MCPH1: variants seen among roughly 807,000 people sequenced by gnomAD.
MCPH1 encodes the protein microcephalin.
A neutral mutation model predicts 84.5 loss-of-function variants in MCPH1; 104 were observed. The observed-to-expected ratio is 1.23, with a 90% CI of 1.05 to 1.45. The LOEUF (loss-of-function observed/expected upper bound fraction) is 1.45. MCPH1 is among the 40% of genes most tolerant of loss of function. MCPH1 has a pLI of 0.00. For synonymous variants in MCPH1, 514 were observed against 366.8 expected, an observed-to-expected ratio of 1.40 and a Z score of -4.58; for missense variants, 1,498 against 1,005.7, an observed-to-expected ratio of 1.49 and a Z score of -6.62.
At chr8:6,488,705 A>G (rs140544851) in intron 11 of MCPH1, among the ~76,000 whole-genome samples, 2 of 152,208 alleles carry the variant, frequency 1.3e-5, no homozygotes, top group Non-Finnish European at 2.9e-5. Context: ...GGGCCCCAGT[A>G]TGGCTGTGTA....
In MCPH1 at chr8:6,436,119, T is replaced by C. The variant is rs748013870; in HGVS notation, c.393T>C (p.Phe131=). Residue 131 remains phenylalanine, a synonymous_variant, in exon 5 of 14, where the codon TTT becomes TTC. Transcript: ENST00000344683. ...ATGATAAGAGATTTCAGAAGAAATT[T>C]GAGAAAATGGCTAAAGAGCTACAAA... is the stretch of plus-strand genomic sequence containing the variant. ...PENDKRFQKK[F]EKMAKELQRQ... is the part of the protein sequence containing the mutation. The C allele has an allele frequency of 3.7e-6, 6 of 1,613,762 alleles. No homozygotes were observed. Among genetic ancestry groups the C allele is most frequent in the Non-Finnish European group, 5.1e-6 (6 of 1,179,836 alleles).
chr8:6,531,640 C>G (rs575242275), intron 12 of MCPH1, among the ~76,000 whole-genome samples: 6 of 152,268 alleles, frequency 3.9e-5, no homozygotes, highest in Admixed American at 2.6e-4. Context: ...ATCACTAGCT[C>G]ATAGAATCTC....
chr8:6,435,232 T>C (rs2166011), intron 4 of MCPH1, among the ~76,000 whole-genome samples: 147,856 of 152,206 alleles, frequency 0.97, 71,952 homozygotes, highest in East Asian at 1. Flanking sequence ...ATTACTGTGT[T>C]GTGGTCTTGC....
At chr8:6,568,246 G>C (rs753435583) in intron 12 of MCPH1, among the ~76,000 whole-genome samples, 1 of 117,294 alleles carries the variant, frequency 8.5e-6, no homozygotes, top group Non-Finnish European at 1.7e-5. Context: ...TGGACCCATC[G>C]CTAGCTGAAT....
chr8:6,445,241 C>G lies in MCPH1; in HGVS notation c.1519C>G (p.Leu507Val). 6.2e-7 allele frequency: 1 copy of G among 1,614,220 alleles called. No individual in the cohort carries two copies. Among genetic ancestry groups the G allele is most frequent in the Non-Finnish European group, 8.5e-7 (1 of 1,180,044 alleles). The stretch of plus-strand genomic sequence containing the variant: ...CGTGACTTCTGCCCCTGAAGAAGCC[C>G]TAAGGTGTTGTAGACAGGCTGGGAA... ...SCVTSAPEEA[L>V]RCCRQAGKED... The change falls in exon 8 of 14, where the codon CTA becomes GTA. Residue 507 changes from leucine to valine, a missense_variant. By Grantham distance (32) the Leu-to-Val change is conservative. Transcript: ENST00000344683.
intron 12 of MCPH1, among the ~76,000 whole-genome samples, chr8:6,525,557 G>T (rs1348424177): frequency 6.6e-6 from 1 of 152,160 alleles, no homozygotes; most frequent in Non-Finnish European, 1.5e-5. Flanking sequence ...GAAAGCAATT[G>T]CACTTTTGGG....
chr8:6,619,197 T>C (rs1299714203), intron 12 of MCPH1: 2 of 152,088 alleles, frequency 1.3e-5, no homozygotes, highest in African/African-American at 4.8e-5. Context: ...AGAAGAAGTC[T>C]TTGTTCTGCC....
intron 12 of MCPH1, among the ~76,000 whole-genome samples, chr8:6,538,867 C>G (rs1157075765): frequency 1.3e-5 from 2 of 152,196 alleles, no homozygotes; most frequent in African/African-American, 2.4e-5. Context: ...AGTTTGAAAA[C>G]TTGAGTGTAA....
chr8:6,538,105 C>T lies in MCPH1; in HGVS notation c.2214+38176C>T, dbSNP rs540283515. 2.9e-4 allele frequency among the ~76,000 whole-genome samples: 44 copies of T among 152,224 alleles called. 1 individual carries two copies. Among genetic ancestry groups the T allele is most frequent in the African/African-American group, 1.1e-3 (44 of 41,550 alleles). On this transcript the variant is annotated intron_variant, in intron 12 of 13. Coordinates refer to ENST00000344683, the MANE Select transcript of MCPH1 (RefSeq NM_024596.5). ...TGCAACCATCTCTCACACACACATA[C>T]ACGTTTTTCTATCCCAATGATCCAT...
In MCPH1 at chr8:6,613,185, G is replaced by A. The variant is rs533667511; in HGVS notation, c.2215-8269G>A. Among the ~76,000 whole-genome samples the A allele has an allele frequency of 6.6e-5, 10 of 152,318 alleles. No homozygotes were observed. The South Asian group carries it at 1.4e-3, about 22-fold the overall frequency. On this transcript the variant is annotated intron_variant, in intron 12 of 13. Coordinates refer to ENST00000344683, the MANE Select transcript of MCPH1 (RefSeq NM_024596.5). ...CATCTCTGTTACTCCACTGTCCTCA[G>A]TGGGGAGCCACGGCTGAGCGTGAGA...
At chr8:6,433,932 A>G (rs971192794) in intron 4 of MCPH1, among the ~76,000 whole-genome samples, 6 of 151,880 alleles carry the variant, frequency 4.0e-5, no homozygotes, top group Middle Eastern at 3.4e-3. Context: ...TGCCAATCGT[A>G]TTTCTATTTC....
chr8:6,486,321 G>C (rs148568957), intron 11 of MCPH1, among the ~76,000 whole-genome samples: 1 of 149,046 alleles, frequency 6.7e-6, no homozygotes, highest in East Asian at 2.0e-4. Context: ...TCGCTCTCTC[G>C]TCCTCCTCCT....
rs938992817 is a variant in MCPH1 at position 6,645,980 on chromosome 8, T to A, written c.*2931T>A. 4 of 152,208 alleles carry A rather than the reference T, an allele frequency of 2.6e-5. No individual in the cohort carries two copies. The highest frequency in any genetic ancestry group is 9.7e-5 in the African/African-American group (4 of 41,446). The allele number at this position is 152,208 out of a possible 1,614,324, so 9.4% of individuals were successfully genotyped here. A position where few individuals can be genotyped will look rare whatever the true frequency, so the allele number is the denominator to read the frequency against. ...ATAGATTCAATGCAATCCATTAAAA[T>A]CTCAGATGGCTTTTTATAGAATTTG... On this transcript the variant is annotated 3_prime_UTR_variant, in exon 14 of 14. Transcript: ENST00000344683.
intron 12 of MCPH1, among the ~76,000 whole-genome samples, chr8:6,549,731 A>G (rs555532722): frequency 6.6e-6 from 1 of 152,060 alleles, no homozygotes; most frequent in East Asian, 1.9e-4. Context: ...GATATGGATG[A>G]GGAGGGGCGT....
At position 6,477,588 on chromosome 8, in the gene MCPH1, C is replaced by G. The variant is rs779947393; in HGVS notation, c.1936-6C>G. ...TTTTTTGTTCCTTCTTGTTTGAAAT[C>G]TCTAGCCAACAAGAACATTAGTCAT... On this transcript the variant is annotated splice_polypyrimidine_tract_variant and splice_region_variant and intron_variant, in intron 9 of 13. Coordinates refer to ENST00000344683, the MANE Select transcript of MCPH1 (RefSeq NM_024596.5). 3.7e-6 allele frequency: 6 copies of G among 1,611,738 alleles called. No homozygotes were observed. In the South Asian group the frequency reaches 5.5e-5, roughly 15 times the overall value.
At chr8:6,478,252 A>G (rs1468414407) in intron 10 of MCPH1, among the ~76,000 whole-genome samples, 1 of 152,240 alleles carries the variant, frequency 6.6e-6, no homozygotes, top group Non-Finnish European at 1.5e-5. Context: ...GCACCTTTAG[A>G]ACATTTTCAG....
intron 9 of MCPH1, among the ~76,000 whole-genome samples, chr8:6,472,540 A>G (rs1169428810): frequency 6.6e-6 from 1 of 152,090 alleles, no homozygotes; most frequent in Non-Finnish European, 1.5e-5. Flanking sequence ...ATCTTAGCTC[A>G]CTGCAACCTC....
At chr8:6,618,059 A>C (rs1267782189) in intron 12 of MCPH1, among the ~76,000 whole-genome samples, 2 of 152,292 alleles carry the variant, frequency 1.3e-5, no homozygotes, top group East Asian at 3.9e-4. Flanking sequence ...GGTGTTAGCC[A>C]CTTTGCCCAG....
chr8:6,482,938 A>T (rs1023127351), intron 11 of MCPH1, among the ~76,000 whole-genome samples: 1 of 152,366 alleles, frequency 6.6e-6, no homozygotes, highest in East Asian at 1.9e-4. Context: ...AGACAAGAAA[A>T]GATAATAAAA....
Sources: allele counts gnomAD v4.1 joint callset (sites outside exome capture counted in the v4.1 genomes callset), GRCh38; gene constraint gnomAD v4.1.1; transcripts MANE v1.5; gene names NCBI Gene and HGNC (gene_info 2026-07-23, HGNC 2026-07-21).